Variants in ADAMTS10 observed in about 807,000 individuals in gnomAD.
The protein encoded by ADAMTS10 is A disintegrin and metalloproteinase with thrombospondin motifs 10.
Under a neutral mutation model 135.9 loss-of-function variants are expected in ADAMTS10, and 48 were observed. The observed-to-expected ratio is 0.35, with a 90% CI of 0.28 to 0.45. The LOEUF is 0.45. Among genes scored for constraint, ADAMTS10 ranks in the 20% least tolerant of loss-of-function variants. The pLI, the probability that ADAMTS10 is intolerant of heterozygous loss-of-function variation, is 1.00. For synonymous variants in ADAMTS10, 621 were observed against 647.5 expected (o/e 0.96, Z 0.62); for missense variants, 1,131 against 1,565.2 (o/e 0.72, Z 4.68).
intron 25 of ADAMTS10, among the ~76,000 whole-genome samples, chr19:8,584,299 G>A (rs904426512): frequency 7.2e-5 from 11 of 152,012 alleles, no homozygotes; most frequent in African/African-American, 2.7e-4. Flanking sequence ...GTCTGGAGAC[G>A]TTTTTAGTTG....
At position 8,585,118 on chromosome 19, in the gene ADAMTS10, G is replaced by A. The variant is rs1314850132; in HGVS notation, c.3042+14C>T. 2.8e-6 allele frequency: 4 copies of A among 1,452,440 alleles called. No homozygotes were observed. Among genetic ancestry groups the A allele is most frequent in the East Asian group, 2.6e-5 (1 of 37,870 alleles). The allele number at this position is 1,452,440 out of a possible 1,614,324, so 90.0% of individuals were successfully genotyped here. A position where few individuals can be genotyped will look rare whatever the true frequency, so the allele number is the denominator to read the frequency against. ...CTGCCCTGGCCCCCACCCCTCTGGG[G>A]CGCGCCCTCCTACCTCACCCCACTC... On this transcript the variant is annotated intron_variant, in intron 24 of 25. Coordinates refer to ENST00000597188, the MANE Select transcript of ADAMTS10 (RefSeq NM_030957.4).
At position 8,596,307 on chromosome 19, in the gene ADAMTS10, G is replaced by T; in HGVS notation, c.1190C>A (p.Thr397Lys). 1 of 1,612,824 alleles carries T rather than the reference G, an allele frequency of 6.2e-7. No homozygotes were observed. Among genetic ancestry groups the T allele is most frequent in the Non-Finnish European group, 8.5e-7 (1 of 1,179,956 alleles). Residue 397 changes from threonine to lysine, a missense_variant and splice_region_variant, in exon 10 of 26, where the codon ACA (threonine) becomes AAA (lysine). By Grantham distance (78) the Thr-to-Lys change is moderately conservative. This residue lies in a region of ADAMTS10 where 745 missense variants were observed against 1,056.3 expected (regional missense o/e 0.71). Coordinates refer to ENST00000597188, the MANE Select transcript of ADAMTS10 (RefSeq NM_030957.4). This position sits in a 1 kb window ranked among gnomAD's most constrained non-coding sequence, Gnocchi z 7.2. ...CCCCTCTTGTGTGCCCTGGCCTCACGTGTGCCCGATCTCGTGGGCAATGGT... is the reference window on the plus strand; with the variant it reads ...CCCCTCTTGTGTGCCCTGGCCTCACTTGTGCCCGATCTCGTGGGCAATGGT... ...AFTIAHEIGH[T>K]FGMNHDGVGN... is the part of the protein sequence containing the mutation.
intron 18 of ADAMTS10, 119 bp from the exon 19 acceptor site, chr19:8,587,015 T>G: frequency 9.6e-7 from 1 of 1,043,754 alleles, no homozygotes; most frequent in Non-Finnish European, 1.5e-6. Context: ...CACATCTAAC[T>G]GCACCCCTGC....
At chr19:8,598,256 G>A (rs901640640) in intron 6 of ADAMTS10, among the ~76,000 whole-genome samples, 5 of 152,124 alleles carry the variant, frequency 3.3e-5, no homozygotes, top group Non-Finnish European at 7.3e-5. Context: ...ATTTCTTTCA[G>A]ACTCCTCCAA....
At chr19:8,604,001 C>CA in intron 4 of ADAMTS10, 117 bp from the exon 5 acceptor site, 26 of 824,224 alleles carry the variant, frequency 3.2e-5, no homozygotes, top group Non-Finnish European at 3.6e-5. Context: ...TTTGCTATTT[C>CA]TTTTTTTTTT....
chr19:8,603,629 C>T, intron 5 of ADAMTS10, 99 bp downstream of exon 5: 1 of 1,544,452 alleles, frequency 6.5e-7, no homozygotes, highest in Non-Finnish European at 8.9e-7. Flanking sequence ...TTCTTCCCCT[C>T]ACATAACTGC....
In ADAMTS10 at chr19:8,605,503, C is replaced by A; in HGVS notation, c.88+120G>T. ...TGGCTGCAAGGCTCCCGCCTATTGA[C>A]CCCAGGGCCTTCCCCCATTGACCCC... On this transcript the variant is annotated intron_variant, in intron 3 of 25. Transcript: ENST00000597188. This position sits in a 1 kb window ranked among gnomAD's most constrained non-coding sequence, Gnocchi z 7.7. 2.0e-6 allele frequency: 3 copies of A among 1,479,156 alleles called. No individual in the cohort carries two copies. The highest frequency in any genetic ancestry group is 1.2e-5 in the South Asian group (1 of 82,164). 91.6% of individuals were successfully genotyped at this position (1,479,156 alleles called of 1,614,324 possible). A position where few individuals can be genotyped will look rare whatever the true frequency, so the allele number is the denominator to read the frequency against.
At position 8,585,649 on chromosome 19, in the gene ADAMTS10, C is replaced by T; in HGVS notation, c.2672G>A (p.Gly891Glu). 1 of 1,612,350 alleles carries T rather than the reference C, an allele frequency of 6.2e-7. No homozygotes were observed. The highest frequency in any genetic ancestry group is 8.5e-7 in the Non-Finnish European group (1 of 1,179,676). ...GCTGCGGCTGCAGAGCGACCAGTTC[C>T]CTACAACCCAGCTGTAAGAGATGAA... ...TEPCPPDWVV[G>E]NWSLCSRSCD... Residue 891 changes from glycine to glutamate, a missense_variant, in exon 23 of 26, where the codon GGG becomes GAG. Physicochemically the swap from Gly to Glu is moderately conservative, Grantham distance 98. Transcript: ENST00000597188.
intron 15 of ADAMTS10, among the ~76,000 whole-genome samples, chr19:8,591,436 G>GTTTTTT (rs1374318007): frequency 7.3e-6 from 1 of 136,646 alleles, no homozygotes. Flanking sequence ...CTCTGATAGC[G>GTTTTTT]TTTTTGTTTT....
chr19:8,607,540 T>G (rs1187772875), intron 2 of ADAMTS10, among the ~76,000 whole-genome samples: 1 of 152,172 alleles, frequency 6.6e-6, no homozygotes, highest in Non-Finnish European at 1.5e-5. Flanking sequence ...TCCTCCTCTG[T>G]GCAAAATCCC....
Position 8,591,835 on chromosome 19 carries a change from C to T in ADAMTS10, c.1762G>A (p.Gly588Ser). ...CAGGAGCGGTGCCGCCTTCTCTCAC[C>T]CAGACAGTACTTGCCCCCGATGGTT... is the stretch of plus-strand genomic sequence containing the variant. ...RPTIGGKYCL[G>S]ERRRHRSCNT... is the part of the protein sequence containing the mutation. Residue 588 changes from glycine (G) to serine (S), a missense_variant, in exon 15 of 26, where the codon GGT becomes AGT. This residue lies in a region of ADAMTS10 where 745 missense variants were observed against 1,056.3 expected (regional missense o/e 0.71). Transcript: ENST00000597188. 1 of 1,613,810 alleles carries T rather than the reference C, an allele frequency of 6.2e-7. No homozygotes were observed. Among genetic ancestry groups the T allele is most frequent in the South Asian group, 1.1e-5 (1 of 91,078 alleles).
intron 2 of ADAMTS10, among the ~76,000 whole-genome samples, chr19:8,607,450 G>A (rs1424023609): frequency 1.3e-5 from 2 of 152,088 alleles, no homozygotes; most frequent in African/African-American, 4.8e-5. Context: ...ATCTGCCCCA[G>A]GCCAGCCTGC....
chr19:8,587,896 A>T (rs1555737721), intron 18 of ADAMTS10, among the ~76,000 whole-genome samples: 1 of 142,838 alleles, frequency 7.0e-6, no homozygotes, highest in Admixed American at 7.6e-5. Flanking sequence ...GCACCACTGC[A>T]CTCTAGCCTG....
chr19:8,589,552 G>T lies in ADAMTS10; in HGVS notation c.1934C>A (p.Ala645Glu). The change falls in exon 17 of 26, where the codon GCG becomes GAG. Residue 645 changes from alanine (A) to glutamate (E), a missense_variant. Transcript: ENST00000597188. ...CTCCGTGTAGAAGTTGAAGCCTTCCGCTAGGCACGTGAGCGAGCAGGCCTT... is the reference window on the plus strand; with the variant it reads ...CTCCGTGTAGAAGTTGAAGCCTTCCTCTAGGCACGTGAGCGAGCAGGCCTT... ...GVKACSLTCLAEGFNFYTERA... is the reference protein window; with the variant it reads ...GVKACSLTCLEEGFNFYTERA... 6.2e-7 allele frequency: 1 copy of T among 1,613,442 alleles called. No individual in the cohort carries two copies. The highest frequency in any genetic ancestry group is 8.5e-7 in the Non-Finnish European group (1 of 1,179,968).
rs1208185301 is a variant in ADAMTS10 at position 8,605,488 on chromosome 19, G to C, written c.89-130C>G. Reference sequence around the variant, plus strand: ...CGAAATCCAGGGAGTTGGCTGCAAGGCTCCCGCCTATTGACCCCAGGGCCT... The same window carrying C: ...CGAAATCCAGGGAGTTGGCTGCAAGCCTCCCGCCTATTGACCCCAGGGCCT... On this transcript the variant is annotated intron_variant, in intron 3 of 25. Coordinates refer to ENST00000597188, the MANE Select transcript of ADAMTS10 (RefSeq NM_030957.4). The surrounding 1 kb of genome is among the most constrained non-coding windows in gnomAD (Gnocchi z 7.7). 4.8e-6 allele frequency: 7 copies of C among 1,469,588 alleles called. No homozygotes were observed. In the African/African-American group the frequency reaches 7.0e-5, roughly 15 times the overall value. 91.0% of individuals were successfully genotyped at this position (1,469,588 alleles called of 1,614,324 possible). A position where few individuals can be genotyped will look rare whatever the true frequency, so the allele number is the denominator to read the frequency against.
In ADAMTS10 at chr19:8,586,800, C is replaced by G; in HGVS notation, c.2239+16G>C. ...ACTGACCCCTAATCCTCATCCCCTC[C>G]CCACCATCTGCTCACCCAAGTGACT... is the stretch of plus-strand genomic sequence containing the variant. On this transcript the variant is annotated intron_variant, in intron 19 of 25. Coordinates refer to ENST00000597188, the MANE Select transcript of ADAMTS10 (RefSeq NM_030957.4). 1 of 1,614,130 alleles carries G rather than the reference C, an allele frequency of 6.2e-7. No individual in the cohort carries two copies. Among genetic ancestry groups the G allele is most frequent in the Non-Finnish European group, 8.5e-7 (1 of 1,180,028 alleles).
In ADAMTS10 at chr19:8,586,675, C is replaced by A; in HGVS notation, c.2286G>T (p.Gly762=). Residue 762 remains glycine, a synonymous_variant, in exon 20 of 26, where the codon GGG becomes GGT. Coordinates refer to ENST00000597188, the MANE Select transcript of ADAMTS10 (RefSeq NM_030957.4). ...QESLLLEGLP[G]TPQPHRLPLA... ...GAGGCAGACGGTGGGGCTGGGGGGT[C>A]CCAGGCAGCCCCTCCAGCAGCAGGG... 6.2e-7 allele frequency: 1 copy of A among 1,613,168 alleles called. No individual in the cohort carries two copies. Among genetic ancestry groups the A allele is most frequent in the Non-Finnish European group, 8.5e-7 (1 of 1,179,316 alleles).
chr19:8,598,629 T>G lies in ADAMTS10; in HGVS notation c.811-1312A>C, dbSNP rs189829385. ...TCTCACTCTGTTACCCAGGCTGGAG[T>G]GCAGTGGCGCAATCTTGGCTCACTC... On this transcript the variant is annotated intron_variant, in intron 6 of 25. Coordinates refer to ENST00000597188, the MANE Select transcript of ADAMTS10 (RefSeq NM_030957.4). 2.8e-4 allele frequency among the ~76,000 whole-genome samples: 40 copies of G among 141,850 alleles called. 1 individual carries two copies. The East Asian group carries it at 7.9e-3, about 28-fold the overall frequency. The allele number at this position is 141,850 out of a possible 152,430, so 93.1% of individuals were successfully genotyped here.
chr19:8,589,761 G>T, intron 16 of ADAMTS10, 128 bp downstream of exon 16: 1 of 1,401,656 alleles, frequency 7.1e-7, no homozygotes, highest in Non-Finnish European at 9.8e-7. Flanking sequence ...CGTATCCCAG[G>T]TACTCTGTCT....
Sources: allele counts gnomAD v4.1 joint callset (sites outside exome capture counted in the v4.1 genomes callset), GRCh38; gene constraint gnomAD v4.1.1; regional missense constraint gnomAD v4.1.1; non-coding constraint Gnocchi (gnomAD v3.1); transcripts MANE v1.5; gene names NCBI Gene and HGNC (gene_info 2026-07-23, HGNC 2026-07-21).